Variants in CDKL1 observed in about 807,000 individuals in gnomAD.
CDKL1 encodes the protein cyclin-dependent kinase-like 1.
In CDKL1, 41 loss-of-function variants were observed where a neutral mutation model predicts 42.0. The observed-to-expected ratio is 0.98, with a 90% CI of 0.76 to 1.27. The LOEUF (loss-of-function observed/expected upper bound fraction) is 1.27. Among genes scored for constraint, CDKL1 ranks in the 50% most tolerant of loss-of-function variants. The probability of loss-of-function intolerance (pLI) is 0.00; values close to 1 mark genes in which losing one functional copy is unlikely to be tolerated. For missense variants in CDKL1, 394 were observed against 428.4 expected, an observed-to-expected ratio of 0.92 and a Z score of 0.71; for synonymous variants, 153 against 158.6, an observed-to-expected ratio of 0.96 and a Z score of 0.26.
intron 2 of CDKL1, among the ~76,000 whole-genome samples, chr14:50,372,891 G>C (rs1290401648): frequency 7.7e-6 from 1 of 129,944 alleles, no homozygotes; most frequent in Non-Finnish European, 1.7e-5. Flanking sequence ...TGGTCAATGT[G>C]TCTAATTTTT....
chr14:50,330,011 T>A lies in CDKL1; in HGVS notation c.*63A>T. On this transcript the variant is annotated 3_prime_UTR_variant, in exon 10 of 10. Transcript: ENST00000395834. ...TTGTAATTGTTTTCAATCAACTGTATAAGTTTTATTTTCTTCAAAGCATCT... is the reference window on the plus strand; with the variant it reads ...TTGTAATTGTTTTCAATCAACTGTAAAAGTTTTATTTTCTTCAAAGCATCT... The A allele has an allele frequency of 6.4e-7, 1 of 1,560,520 alleles. No individual in the cohort carries two copies. The highest frequency in any genetic ancestry group is 8.7e-7 in the Non-Finnish European group (1 of 1,155,234).
intron 2 of CDKL1, chr14:50,380,186 C>T (rs1194786987): frequency 7.5e-6 from 4 of 532,408 alleles, no homozygotes; most frequent in Admixed American, 5.8e-5. Flanking sequence ...ACTGCTCTTC[C>T]TCCCTGGCAA....
chr14:50,385,803 C>CA (rs4027866), intron 2 of CDKL1, among the ~76,000 whole-genome samples: 6,841 of 77,280 alleles, frequency 0.089, 310 homozygotes, highest in South Asian at 0.14. Context: ...GACTCCGTCC[C>CA]AAAAAAAAAA....
intron 2 of CDKL1, chr14:50,363,102 G>C (rs1034177336): frequency 3.3e-6 from 1 of 307,228 alleles, no homozygotes; most frequent in East Asian, 9.6e-5. Flanking sequence ...GCGAAGGTCT[G>C]CAGCTTCACT....
chr14:50,343,750 T>A (rs2139405936), intron 4 of CDKL1, among the ~76,000 whole-genome samples: 1 of 152,190 alleles, frequency 6.6e-6, no homozygotes, highest in Non-Finnish European at 1.5e-5. Flanking sequence ...CCTACCAGGG[T>A]CTTGGTGCAG....
At chr14:50,332,943 A>G (rs2033047308) in intron 8 of CDKL1, 1 of 326,660 alleles carries the variant, frequency 3.1e-6, no homozygotes, top group East Asian at 5.6e-5. Context: ...CTCCAGAAAT[A>G]GTTGATGCAT....
chr14:50,372,369 C>A (rs1006518440), intron 2 of CDKL1, among the ~76,000 whole-genome samples: 1 of 152,226 alleles, frequency 6.6e-6, no homozygotes, highest in Admixed American at 6.5e-5. Flanking sequence ...CTGCCTGCCT[C>A]AGCCTCCCAA....
At position 50,330,027 on chromosome 14, in the gene CDKL1, C is replaced by G. The variant is rs543808565; in HGVS notation, c.*47G>C. 1 of 1,585,276 alleles carries G rather than the reference C, an allele frequency of 6.3e-7. No homozygotes were observed. Among genetic ancestry groups the G allele is most frequent in the South Asian group, 1.2e-5 (1 of 85,674 alleles). ...TCAACTGTATAAGTTTTATTTTCTT[C>G]AAAGCATCTATTGATTCCTTTTTTA... is the stretch of plus-strand genomic sequence containing the variant. On this transcript the variant is annotated 3_prime_UTR_variant, in exon 10 of 10. Transcript: ENST00000395834.
chr14:50,378,570 G>A (rs1424893078), intron 2 of CDKL1: 3 of 664,982 alleles, frequency 4.5e-6, no homozygotes, highest in African/African-American at 3.8e-5. Context: ...GTCATAATCT[G>A]TCATCCAGGC....
At chr14:50,376,895 G>A (rs772281083) in intron 2 of CDKL1, among the ~76,000 whole-genome samples, 1 of 152,152 alleles carries the variant, frequency 6.6e-6, no homozygotes, top group Non-Finnish European at 1.5e-5. Context: ...GGGGCATAGC[G>A]TGGTGGAATG....
chr14:50,337,138 A>G (rs900043021), intron 7 of CDKL1, among the ~76,000 whole-genome samples: 1 of 151,938 alleles, frequency 6.6e-6, no homozygotes, highest in African/African-American at 2.4e-5. Flanking sequence ...CCTCCCAAGT[A>G]GCTGGGACTA....
chr14:50,374,281 G>C (rs141745278), intron 2 of CDKL1, among the ~76,000 whole-genome samples: 1 of 152,310 alleles, frequency 6.6e-6, no homozygotes, highest in East Asian at 1.9e-4. Context: ...CGGGAGGGTT[G>C]AGTAGGTGAA....
chr14:50,360,790 G>GTT (rs2034218933), intron 2 of CDKL1, among the ~76,000 whole-genome samples: 1 of 102,348 alleles, frequency 9.8e-6, no homozygotes, highest in Admixed American at 1.2e-4. Context: ...GTGTGTTTGT[G>GTT]TGTGTGTGTG....
intron 3 of CDKL1, 25 bp from the exon 4 acceptor site, chr14:50,345,083 C>T (rs1226659953): frequency 6.2e-7 from 1 of 1,605,694 alleles, no homozygotes; most frequent in Non-Finnish European, 8.5e-7. Context: ...GCAGCACAAA[C>T]ACATTCTTTA....
chr14:50,396,063 G>A lies in CDKL1; in HGVS notation c.-195C>T, dbSNP rs1186882162. 2.7e-6 allele frequency: 3 copies of A among 1,094,064 alleles called. No individual in the cohort carries two copies. Among genetic ancestry groups the A allele is most frequent in the South Asian group, 3.4e-5 (2 of 58,896 alleles). 67.8% of individuals were successfully genotyped at this position (1,094,064 alleles called of 1,614,324 possible). On this transcript the variant is annotated 5_prime_UTR_variant, in exon 2 of 10. The change creates a new upstream start codon in the 5' untranslated region. Transcript: ENST00000395834. ...TAGCCGGGTGTGGTGATGGGCGCCC[G>A]TAGTCCCAGCAACTCAGGAGACTGA...
chr14:50,388,888 A>T (rs930000184), intron 2 of CDKL1, among the ~76,000 whole-genome samples: 1 of 151,954 alleles, frequency 6.6e-6, no homozygotes, highest in African/African-American at 2.4e-5. Context: ...TCATGAGATC[A>T]GGAGTTTGAG....
intron 2 of CDKL1, among the ~76,000 whole-genome samples, chr14:50,375,088 G>T (rs1034233991): frequency 6.6e-6 from 1 of 151,766 alleles, no homozygotes. Flanking sequence ...CATGTATCCC[G>T]GAACTTATTA....
At position 50,347,362 on chromosome 14, in the gene CDKL1, C is replaced by G. The variant is rs547689815; in HGVS notation, c.291-2304G>C. 3.0e-4 allele frequency among the ~76,000 whole-genome samples: 45 copies of G among 152,086 alleles called. 1 individual carries two copies. The South Asian group carries it at 8.7e-3, about 30-fold the overall frequency. On this transcript the variant is annotated intron_variant, in intron 3 of 9. Transcript: ENST00000395834. ...GGATTTAGAGAGAGAGAGAGAGAGA[C>G]AGCGTGAGAGTGCTGTGCTAGAAGG...
chr14:50,335,633 C>CTAAT (rs1448542784), intron 7 of CDKL1: 1 of 1,525,142 alleles, frequency 6.6e-7, no homozygotes, highest in African/African-American at 1.4e-5. Context: ...CTGACAAAGG[C>CTAAT]TAATTGAGCA....
Sources: gnomAD v4.1 joint callset for allele counts (sites outside exome capture counted in the v4.1 genomes callset) on GRCh38, gnomAD v4.1.1 for gene constraint, MANE v1.5 for transcripts, NCBI Gene and HGNC (gene_info 2026-07-23, HGNC 2026-07-21) for gene names.